The following AP1G1 variants were observed in gnomAD, a reference collection of about 807,000 sequenced individuals.
The protein encoded by AP1G1 is AP-1 complex subunit gamma-1.
A neutral mutation model predicts 108.3 loss-of-function variants in AP1G1; 7 were observed. The ratio of observed to expected loss-of-function variants is 0.06; its 90% CI spans 0.04 to 0.12. The LOEUF (loss-of-function observed/expected upper bound fraction) is 0.12. AP1G1 is among the 10% of genes least tolerant of loss of function. The pLI is 1.00. For synonymous variants in AP1G1, 379 were observed against 353.5 expected (o/e 1.07, Z -0.81); for missense variants, 756 against 1,010.7 (o/e 0.75, Z 3.42).
intron 1 of AP1G1, chr16:71,808,414 G>T: frequency 1.8e-6 from 2 of 1,110,368 alleles, no homozygotes; most frequent in South Asian, 3.1e-5. Flanking sequence ...GACACGCGGG[G>T]GTGGGGCCCG....
chr16:71,801,663 C>T (rs1007354101), intron 1 of AP1G1, among the ~76,000 whole-genome samples: 11 of 152,122 alleles, frequency 7.2e-5, no homozygotes, highest in African/African-American at 2.4e-4. Flanking sequence ...CGGTGGGTCA[C>T]GCCTGTTATC....
chr16:71,765,669 G>A (rs754814052), intron 6 of AP1G1, 85 bp from the exon 7 acceptor site: 3 of 1,070,810 alleles, frequency 2.8e-6, no homozygotes, highest in South Asian at 1.3e-5. Flanking sequence ...TAGAAAAAGG[G>A]TGTAAGGGTC....
Position 71,780,017 on chromosome 16 carries a change from G to C in AP1G1, c.202-5425C>G, listed in dbSNP as rs536128447. Among the ~76,000 whole-genome samples, 204 of 138,362 alleles carry C rather than the reference G, an allele frequency of 1.5e-3. 2 individuals are homozygous for C. The highest frequency in any genetic ancestry group is 5.3e-3 in the African/African-American group (193 of 36,300). 90.8% of individuals were successfully genotyped at this position (138,362 alleles called of 152,430 possible). A position where few individuals can be genotyped will look rare whatever the true frequency, so the allele number is the denominator to read the frequency against. On this transcript the variant is annotated intron_variant, in intron 2 of 22. Coordinates refer to ENST00000299980, the MANE Select transcript of AP1G1 (RefSeq NM_001128.6). ...TTTGTTTTTTTTTTTTTTTTGAGACGAAGTCTGGCTCTGTCACCCAGGCTG... is the reference window on the plus strand; with the variant it reads ...TTTGTTTTTTTTTTTTTTTTGAGACCAAGTCTGGCTCTGTCACCCAGGCTG...
At chr16:71,793,788 C>A (rs1383610098) in intron 1 of AP1G1, among the ~76,000 whole-genome samples, 2 of 151,366 alleles carry the variant, frequency 1.3e-5, no homozygotes, top group African/African-American at 2.5e-5. Flanking sequence ...TGGCTCACTG[C>A]AATCTCTGCC....
In AP1G1 at chr16:71,796,636, C is replaced by T. The variant is rs189349696; in HGVS notation, c.-3-7154G>A. Among the ~76,000 whole-genome samples the T allele has an allele frequency of 2.6e-5, 4 of 152,210 alleles. No homozygotes were observed. In the East Asian group the frequency reaches 5.8e-4, roughly 22 times the overall value. ...AAATGGAATTTCTGGATCTTCAAGG[C>T]TAAAGAATAGGCTGTGGAATGTAGG... On this transcript the variant is annotated intron_variant, in intron 1 of 22. Coordinates refer to ENST00000299980, the MANE Select transcript of AP1G1 (RefSeq NM_001128.6).
intron 6 of AP1G1, among the ~76,000 whole-genome samples, chr16:71,768,979 A>AAAAAAAAAAAC (rs2031455870): frequency 9.2e-5 from 1 of 10,908 alleles, no homozygotes; most frequent in Admixed American, 3.3e-3. Context: ...AAAAAAATAC[A>AAAAAAAAAAAC]AAAAAAAAAA....
Position 71,773,377 on chromosome 16 carries a change from A to T in AP1G1, c.327-15T>A, listed in dbSNP as rs2031647643. 2 of 1,485,878 alleles carry T rather than the reference A, an allele frequency of 1.3e-6. No homozygotes were observed. Among genetic ancestry groups the T allele is most frequent in the Non-Finnish European group, 1.8e-6 (2 of 1,122,398 alleles). The allele number at this position is 1,485,878 out of a possible 1,614,324, so 92.0% of individuals were successfully genotyped here. On this transcript the variant is annotated splice_polypyrimidine_tract_variant and intron_variant, in intron 3 of 22. Transcript: ENST00000299980. ...GATTAAGATCACTGCAAAAGAAAAGAGGAAGGTAGGAACAAGCCTGGTGCT... is the reference window on the plus strand; with the variant it reads ...GATTAAGATCACTGCAAAAGAAAAGTGGAAGGTAGGAACAAGCCTGGTGCT...
chr16:71,784,766 C>T (rs1048066374), intron 2 of AP1G1, among the ~76,000 whole-genome samples: 4 of 151,668 alleles, frequency 2.6e-5, no homozygotes, highest in Non-Finnish European at 5.9e-5. Flanking sequence ...ACCATGTTGG[C>T]CAGGATGGTC....
At chr16:71,764,503 C>A (rs2145470067) in intron 8 of AP1G1, 55 bp from the exon 9 acceptor site, 1 of 1,354,898 alleles carries the variant, frequency 7.4e-7, no homozygotes, top group Non-Finnish European at 1.0e-6. Context: ...GCTCCCAAAA[C>A]ATATTCACAG....
intron 21 of AP1G1, among the ~76,000 whole-genome samples, chr16:71,736,301 CAA>C (rs1385161283): frequency 6.7e-6 from 1 of 148,372 alleles, no homozygotes; most frequent in Non-Finnish European, 1.5e-5. Flanking sequence ...TGAATTATGA[CAA>C]GATACCAATT....
intron 1 of AP1G1, among the ~76,000 whole-genome samples, chr16:71,807,246 T>C (rs1331189927): frequency 6.6e-6 from 1 of 152,162 alleles, no homozygotes; most frequent in African/African-American, 2.4e-5. Context: ...GGCAACATGA[T>C]GAAACCCCAT....
intron 12 of AP1G1, 84 bp downstream of exon 12, chr16:71,755,935 C>G: frequency 6.8e-7 from 1 of 1,471,920 alleles, no homozygotes; most frequent in Non-Finnish European, 9.2e-7. Context: ...TGTGCCACCG[C>G]GCCCAGCCCC....
intron 4 of AP1G1, among the ~76,000 whole-genome samples, chr16:71,772,413 G>A (rs191894405): frequency 6.1e-4 from 93 of 152,304 alleles, no homozygotes; most frequent in Admixed American, 8.5e-4. Flanking sequence ...ACAGGCATGA[G>A]CCACCATGCC....
chr16:71,790,859 G>A (rs748657279), intron 1 of AP1G1, among the ~76,000 whole-genome samples: 4 of 152,114 alleles, frequency 2.6e-5, no homozygotes. Context: ...AAGTATAAAA[G>A]AAAAACTTAA....
At position 71,758,634 on chromosome 16, in the gene AP1G1, T is replaced by A; in HGVS notation, c.1088+174A>T. ...TAAACTTCTCCCTGCCAATCCTTTC[T>A]AAAAAAAGGATTCACTGAGCAGAGT... On this transcript the variant is annotated intron_variant, in intron 11 of 22. Transcript: ENST00000299980. The A allele has an allele frequency of 4.9e-6, 3 of 607,412 alleles. No homozygotes were observed. The South Asian group carries it at 5.6e-5, about 11-fold the overall frequency. The allele number at this position is 607,412 out of a possible 1,614,324, so 37.6% of individuals were successfully genotyped here. A position where few individuals can be genotyped will look rare whatever the true frequency, so the allele number is the denominator to read the frequency against.
At chr16:71,754,075 CA>C (rs577016245) in intron 12 of AP1G1, among the ~76,000 whole-genome samples, 188 bp from the exon 13 acceptor site, 142 of 151,912 alleles carry the variant, frequency 9.3e-4, no homozygotes, top group Non-Finnish European at 1.7e-3. Context: ...TCCATCTCAC[CA>C]AAAAATACAA....
intron 1 of AP1G1, among the ~76,000 whole-genome samples, chr16:71,792,565 T>A (rs757982764): frequency 6.6e-6 from 1 of 151,816 alleles, no homozygotes; most frequent in Non-Finnish European, 1.5e-5. Flanking sequence ...GAATTACAAG[T>A]GAGGAGGCCG....
chr16:71,744,327 G>A (rs951120049), intron 19 of AP1G1, among the ~76,000 whole-genome samples: 9 of 152,138 alleles, frequency 5.9e-5, no homozygotes, highest in African/African-American at 2.2e-4. Context: ...TATATGAACA[G>A]AAGAAAAAAT....
At chr16:71,774,784 G>C (rs1413922754) in intron 2 of AP1G1, among the ~76,000 whole-genome samples, 192 bp from the exon 3 acceptor site, 1 of 151,094 alleles carries the variant, frequency 6.6e-6, no homozygotes, top group Non-Finnish European at 1.5e-5. Flanking sequence ...GCAATGGTGT[G>C]ATCTCGGCTC....
Sources: allele counts gnomAD v4.1 joint callset (sites outside exome capture counted in the v4.1 genomes callset), GRCh38; gene constraint gnomAD v4.1.1; transcripts MANE v1.5; gene names NCBI Gene and HGNC (gene_info 2026-07-23, HGNC 2026-07-21).